The following LGSN variants were observed in gnomAD, a reference collection of about 807,000 sequenced individuals.
The protein encoded by LGSN is lengsin.
LGSN carries 21 observed loss-of-function variants against 19.5 expected under a neutral mutation model. The ratio of observed to expected loss-of-function variants is 1.07; its 90% CI spans 0.76 to 1.55. The LOEUF (loss-of-function observed/expected upper bound fraction) is 1.55, where lower values mean the gene tolerates loss of function less well. Among genes scored for constraint, LGSN ranks in the 40% most tolerant of loss-of-function variants. The pLI, the probability that LGSN is intolerant of heterozygous loss-of-function variation, is 0.00. For missense variants in LGSN, 673 were observed against 608.5 expected (o/e 1.11, Z -1.12); for synonymous variants, 257 against 215.6 (o/e 1.19, Z -1.68).
At chr6:63,491,729 C>CA in the LGSN span, among the ~76,000 whole-genome samples, 17 of 152,236 alleles carry the variant, frequency 1.1e-4, 1 homozygote, top group South Asian at 3.5e-3. Context: ...AGTGTGGTTT[C>CA]ACTATAAATT....
the LGSN span, among the ~76,000 whole-genome samples, chr6:63,559,030 T>C: frequency 2.0e-5 from 3 of 152,212 alleles, no homozygotes; most frequent in Non-Finnish European, 4.4e-5. Context: ...CTTGACTGTA[T>C]GGAGGCGAGA....
the LGSN span, among the ~76,000 whole-genome samples, chr6:63,537,605 A>G: frequency 6.6e-6 from 1 of 152,228 alleles, no homozygotes. Context: ...TGAATTCTGC[A>G]TTTGTTTGTT....
At chr6:63,438,992 G>A in the LGSN span, among the ~76,000 whole-genome samples, 2 of 152,140 alleles carry the variant, frequency 1.3e-5, no homozygotes, top group Non-Finnish European at 1.5e-5. Context: ...AAGAAAATGT[G>A]GCACATATAC....
At chr6:63,498,169 T>C in the LGSN span, among the ~76,000 whole-genome samples, 80,903 of 151,548 alleles carry the variant, frequency 0.53, 23,442 homozygotes, top group African/African-American at 0.77. Context: ...CCACCCGTCT[T>C]GGCCTCCCAA....
chr6:63,381,417 T>A, the LGSN span, among the ~76,000 whole-genome samples: 1 of 152,214 alleles, frequency 6.6e-6, no homozygotes. Flanking sequence ...ATGAAATGCT[T>A]GACCTTGGTA....
the LGSN span, among the ~76,000 whole-genome samples, chr6:63,404,481 T>C: frequency 6.6e-6 from 1 of 152,128 alleles, no homozygotes; most frequent in African/African-American, 2.4e-5. Flanking sequence ...AAGTAGGTGG[T>C]TATACACAAC....
At chr6:63,410,599 G>A in the LGSN span, among the ~76,000 whole-genome samples, 1 of 152,274 alleles carries the variant, frequency 6.6e-6, no homozygotes, top group African/African-American at 2.4e-5. Flanking sequence ...TTTATTATGT[G>A]CTAGGTGCAA....
At chr6:63,284,231 G>A (rs1386074107) in intron 3 of LGSN, among the ~76,000 whole-genome samples, 1 of 151,986 alleles carries the variant, frequency 6.6e-6, no homozygotes, top group Non-Finnish European at 1.5e-5. Flanking sequence ...AGGAAACTGG[G>A]ACTAAGAATA....
the LGSN span, among the ~76,000 whole-genome samples, chr6:63,508,102 A>G: frequency 6.6e-6 from 1 of 152,240 alleles, no homozygotes; most frequent in Non-Finnish European, 1.5e-5. Context: ...GTTCAAGAGT[A>G]AAATCACATA....
the LGSN span, among the ~76,000 whole-genome samples, chr6:63,384,765 G>A: frequency 6.6e-6 from 1 of 152,146 alleles, no homozygotes; most frequent in Non-Finnish European, 1.5e-5. Context: ...AGGTGATCCC[G>A]CCTCAGCCTC....
intron 2 of LGSN, 28 bp from the exon 3 acceptor site, chr6:63,285,781 T>A: frequency 6.2e-7 from 1 of 1,601,800 alleles, no homozygotes; most frequent in Middle Eastern, 1.7e-4. Context: ...AGGTTCTAAC[T>A]CACGAGATCA....
At chr6:63,559,790 C>T in the LGSN span, among the ~76,000 whole-genome samples, 1 of 151,986 alleles carries the variant, frequency 6.6e-6, no homozygotes, top group Non-Finnish European at 1.5e-5. Flanking sequence ...CATGGTCGTT[C>T]ATGCATATAA....
the LGSN span, among the ~76,000 whole-genome samples, chr6:63,368,452 A>C: frequency 6.6e-6 from 1 of 152,166 alleles, no homozygotes; most frequent in African/African-American, 2.4e-5. Flanking sequence ...TTCCCAGAGA[A>C]TGCCAGGCTC....
intron 1 of LGSN, among the ~76,000 whole-genome samples, chr6:63,301,491 TA>T (rs1342640163): frequency 6.6e-6 from 1 of 151,756 alleles, no homozygotes; most frequent in Non-Finnish European, 1.5e-5. Context: ...TGGGGGAAAA[TA>T]GAAAAAAATG....
chr6:63,431,734 G>T, the LGSN span, among the ~76,000 whole-genome samples: 1 of 152,136 alleles, frequency 6.6e-6, no homozygotes, highest in African/African-American at 2.4e-5. Context: ...AATTATCTTG[G>T]ATTCTGCAAC....
chr6:63,499,024 T>C, the LGSN span, among the ~76,000 whole-genome samples: 1 of 152,146 alleles, frequency 6.6e-6, no homozygotes, highest in African/African-American at 2.4e-5. Flanking sequence ...TCCCAAATCC[T>C]ACATTCTTTA....
the LGSN span, among the ~76,000 whole-genome samples, chr6:63,566,885 A>G: frequency 6.6e-6 from 1 of 152,216 alleles, no homozygotes; most frequent in Non-Finnish European, 1.5e-5. Context: ...AGTTTATGTG[A>G]TATTCTAAAT....
the LGSN span, among the ~76,000 whole-genome samples, chr6:63,538,914 A>T: frequency 3.3e-5 from 5 of 152,210 alleles, no homozygotes; most frequent in East Asian, 5.8e-4. Context: ...TATTTTTGAG[A>T]TGGAGTCTCA....
At chr6:63,477,650 T>C in the LGSN span, among the ~76,000 whole-genome samples, 5 of 149,188 alleles carry the variant, frequency 3.4e-5, no homozygotes, top group African/African-American at 1.2e-4. Flanking sequence ...ATCCTTTTTT[T>C]TTTTCTTTTT....
Sources: gnomAD v4.1 joint callset for allele counts (sites outside exome capture counted in the v4.1 genomes callset) on GRCh38, gnomAD v4.1.1 for gene constraint, MANE v1.5 for transcripts, NCBI Gene and HGNC (gene_info 2026-07-23, HGNC 2026-07-21) for gene names.